Variants in PTPRD observed in about 807,000 individuals in gnomAD.
PTPRD encodes receptor-type tyrosine-protein phosphatase delta.
Under a neutral mutation model 214.5 loss-of-function variants are expected in PTPRD, and 34 were observed. The observed-to-expected ratio is 0.16, with a 90% confidence interval of 0.12 to 0.21. The LOEUF (loss-of-function observed/expected upper bound fraction) is 0.21. PTPRD is among the 10% of genes least tolerant of loss of function. The pLI, the probability that PTPRD is intolerant of heterozygous loss-of-function variation, is 1.00. For missense variants in PTPRD, 2,545 were observed against 2,398.7 expected, an observed-to-expected ratio of 1.06 and a Z score of -1.27; for synonymous variants, 1,128 against 845.7, an observed-to-expected ratio of 1.33 and a Z score of -5.79.
chr9:8,527,419 G>C lies in PTPRD; in HGVS notation c.542-66C>G, dbSNP rs2074471515. On this transcript the variant is annotated intron_variant, in intron 15 of 45. Transcript: ENST00000381196. ...ATATTATTATATTCCTTATAATTTG[G>C]TACAAATTTTTCAGAGTTAAAGCTT... The C allele has an allele frequency of 2.0e-6, 3 of 1,484,498 alleles. No individual in the cohort carries two copies. The African/African-American group carries it at 4.2e-5, about 21-fold the overall frequency. 92.0% of individuals were successfully genotyped at this position (1,484,498 alleles called of 1,614,324 possible). A position where few individuals can be genotyped will look rare whatever the true frequency, so the allele number is the denominator to read the frequency against.
At chr9:9,466,700 A>C (rs960913558) in intron 8 of PTPRD, among the ~76,000 whole-genome samples, 11 of 152,200 alleles carry the variant, frequency 7.2e-5, no homozygotes, top group Non-Finnish European at 1.0e-4. Context: ...CCAAATATTT[A>C]AAATATATTT....
intron 7 of PTPRD, among the ~76,000 whole-genome samples, chr9:9,702,126 AAG>A (rs879909244): frequency 4.6e-5 from 7 of 150,930 alleles, no homozygotes; most frequent in Admixed American, 6.6e-5. Context: ...TCTCAAAAGA[AAG>A]AGAGAGAGAG....
chr9:8,605,415 A>G (rs983572349), intron 14 of PTPRD, among the ~76,000 whole-genome samples: 3 of 152,174 alleles, frequency 2.0e-5, no homozygotes, highest in African/African-American at 7.2e-5. Context: ...TTTCTACCTC[A>G]CCAAAACCAT....
chr9:9,383,815 C>T (rs570951140), intron 9 of PTPRD, among the ~76,000 whole-genome samples: 1 of 152,178 alleles, frequency 6.6e-6, no homozygotes, highest in South Asian at 2.1e-4. Context: ...GTTCAGCTCA[C>T]AATGGGGACT....
At chr9:8,328,110 C>T (rs1302683447) in intron 44 of PTPRD, among the ~76,000 whole-genome samples, 1 of 152,158 alleles carries the variant, frequency 6.6e-6, no homozygotes, top group African/African-American at 2.4e-5. Context: ...TTCTTCCCAG[C>T]ATCGATGGTC....
intron 7 of PTPRD, among the ~76,000 whole-genome samples, chr9:9,597,171 A>C (rs1363511741): frequency 6.6e-6 from 1 of 152,024 alleles, no homozygotes; most frequent in South Asian, 2.1e-4. Context: ...GGTGGGGGGA[A>C]TAAAAATCAT....
chr9:8,994,792 C>A (rs2099390328), intron 11 of PTPRD, among the ~76,000 whole-genome samples: 1 of 152,036 alleles, frequency 6.6e-6, no homozygotes, highest in Admixed American at 6.6e-5. Context: ...TAGCACAAGC[C>A]TGTGCTGAAC....
At chr9:9,603,996 A>T (rs182827403) in intron 7 of PTPRD, among the ~76,000 whole-genome samples, 50 of 152,214 alleles carry the variant, frequency 3.3e-4, no homozygotes, top group African/African-American at 1.1e-3. Context: ...AATTTTTTTT[A>T]AATTTTATTT....
intron 4 of PTPRD, among the ~76,000 whole-genome samples, chr9:9,966,506 C>A (rs910959327): frequency 6.6e-6 from 1 of 152,166 alleles, no homozygotes; most frequent in East Asian, 1.9e-4. Flanking sequence ...ACAAATTATT[C>A]TCCATAAAAG....
chr9:9,394,568 T>A (rs2067042991), intron 9 of PTPRD, among the ~76,000 whole-genome samples: 1 of 152,148 alleles, frequency 6.6e-6, no homozygotes, highest in Non-Finnish European at 1.5e-5. Context: ...GTAAAGATGA[T>A]AATAATAGCA....
chr9:10,049,893 A>T (rs1024246760), intron 3 of PTPRD, among the ~76,000 whole-genome samples: 1 of 152,170 alleles, frequency 6.6e-6, no homozygotes, highest in Non-Finnish European at 1.5e-5. Flanking sequence ...GTCAAGTTTC[A>T]TTGTAGGGTA....
chr9:9,701,467 G>A (rs992500230), intron 7 of PTPRD, among the ~76,000 whole-genome samples: 1 of 152,110 alleles, frequency 6.6e-6, no homozygotes, highest in African/African-American at 2.4e-5. Context: ...GTACTAAAGA[G>A]TTAGTACTCA....
At chr9:9,727,073 C>G (rs2098108371) in intron 7 of PTPRD, among the ~76,000 whole-genome samples, 2 of 152,132 alleles carry the variant, frequency 1.3e-5, no homozygotes, top group Non-Finnish European at 1.5e-5. Flanking sequence ...AGAAATCATA[C>G]AGCAAATGTG....
intron 34 of PTPRD, chr9:8,438,653 A>G (rs940722094): frequency 6.6e-6 from 1 of 152,222 alleles, no homozygotes; most frequent in African/African-American, 2.4e-5. Context: ...TGTGGACATC[A>G]TTACAGTGCT....
At chr9:10,264,077 A>C (rs2093885618) in intron 3 of PTPRD, among the ~76,000 whole-genome samples, 1 of 152,188 alleles carries the variant, frequency 6.6e-6, no homozygotes, top group Non-Finnish European at 1.5e-5. Flanking sequence ...ACTTCCGCCT[A>C]GTTTTCAGAG....
At chr9:8,757,693 C>T (rs1256170741) in intron 11 of PTPRD, among the ~76,000 whole-genome samples, 1 of 146,644 alleles carries the variant, frequency 6.8e-6, no homozygotes, top group Admixed American at 6.8e-5. Flanking sequence ...TACATAAAAA[C>T]ATTGAATGTC....
In PTPRD at chr9:9,789,796, C is replaced by CAAA. The variant is rs774579667; in HGVS notation, c.-367-22948_-367-22946dup. On this transcript the variant is annotated intron_variant, in intron 5 of 45. Coordinates refer to ENST00000381196, the MANE Select transcript of PTPRD (RefSeq NM_002839.4). ...TGGGCAACAGAGCCAAACTCTGTCT[C>CAAA]AAAAAAAAAAAAAAAAAAAAAAAAA... Among the ~76,000 whole-genome samples, 304 of 40,820 alleles carry CAAA rather than the reference C, an allele frequency of 7.4e-3. 31 individuals are homozygous for CAAA. Among genetic ancestry groups the CAAA allele is most frequent in the African/African-American group, 0.014 (171 of 12,318 alleles). The allele number at this position is 40,820 out of a possible 152,430, so 26.8% of individuals were successfully genotyped here.
In PTPRD at chr9:9,806,866, A is replaced by G. The variant is rs141287240; in HGVS notation, c.-367-40015T>C. Reference sequence around the variant, plus strand: ...AGGTAAGAGAAAAACAGCTCTTGTGAGCATGCATGTAACTTCAGTAAACAC... The same window carrying G: ...AGGTAAGAGAAAAACAGCTCTTGTGGGCATGCATGTAACTTCAGTAAACAC... On this transcript the variant is annotated intron_variant, in intron 5 of 45. Transcript: ENST00000381196. Among the ~76,000 whole-genome samples the G allele has an allele frequency of 5.9e-5, 9 of 152,244 alleles. No homozygotes were observed. The East Asian group carries it at 1.7e-3, about 30-fold the overall frequency.
intron 10 of PTPRD, among the ~76,000 whole-genome samples, chr9:9,035,804 C>T (rs2099619891): frequency 6.6e-6 from 1 of 151,840 alleles, no homozygotes; most frequent in African/African-American, 2.4e-5. Flanking sequence ...CTGTAATGCA[C>T]ATGACAGTCT....
Sources: allele counts gnomAD v4.1 joint callset (sites outside exome capture counted in the v4.1 genomes callset), GRCh38; gene constraint gnomAD v4.1.1; transcripts MANE v1.5; gene names NCBI Gene and HGNC (gene_info 2026-07-23, HGNC 2026-07-21).